Variants in KIAA1549L observed in about 807,000 individuals in gnomAD.
KIAA1549L encodes the protein UPF0606 protein KIAA1549L.
Under a neutral mutation model 160.7 loss-of-function variants are expected in KIAA1549L, and 88 were observed. That is an observed-to-expected ratio of 0.55 (90% CI 0.46 to 0.65). The LOEUF is 0.65. Among genes scored for constraint, KIAA1549L ranks in the 30% least tolerant of loss-of-function variants. The pLI is 0.00. For synonymous variants in KIAA1549L, 950 were observed against 976.7 expected (o/e 0.97, Z 0.51); for missense variants, 2,258 against 2,437.5 (o/e 0.93, Z 1.55).
chr11:33,484,807 A>G (rs1450222979), intron 1 of KIAA1549L, among the ~76,000 whole-genome samples: 1 of 151,592 alleles, frequency 6.6e-6, no homozygotes, highest in Admixed American at 6.6e-5. Context: ...ATTGTAGTTT[A>G]TTTTCTTCTC....
intron 10 of KIAA1549L, among the ~76,000 whole-genome samples, chr11:33,582,788 G>A (rs1855684706): frequency 6.6e-6 from 1 of 152,168 alleles, no homozygotes; most frequent in Admixed American, 6.5e-5. Flanking sequence ...AACAGCCTGA[G>A]TCTTTTGACT....
chr11:33,586,140 C>T (rs750299011), intron 11 of KIAA1549L, among the ~76,000 whole-genome samples: 1 of 152,196 alleles, frequency 6.6e-6, no homozygotes, highest in East Asian at 1.9e-4. Flanking sequence ...TGTCAAAGGA[C>T]GAGGCAGAAC....
chr11:33,456,692 G>A (rs776526219), intron 1 of KIAA1549L, among the ~76,000 whole-genome samples: 24 of 152,318 alleles, frequency 1.6e-4, no homozygotes, highest in East Asian at 3.9e-4. Flanking sequence ...GACTACAGGC[G>A]TGAGCCATTG....
intron 12 of KIAA1549L, among the ~76,000 whole-genome samples, chr11:33,597,413 A>G (rs1199368625): frequency 6.6e-6 from 1 of 152,152 alleles, no homozygotes; most frequent in African/African-American, 2.4e-5. Context: ...GAGGAGGCAG[A>G]GGAGCATCCG....
At chr11:33,521,845 T>A (rs2133127516) in intron 1 of KIAA1549L, among the ~76,000 whole-genome samples, 1 of 152,296 alleles carries the variant, frequency 6.6e-6, no homozygotes, top group South Asian at 2.1e-4. Flanking sequence ...TGAAGGAGAA[T>A]GGAAGGATAA....
intron 1 of KIAA1549L, among the ~76,000 whole-genome samples, chr11:33,413,128 C>G (rs1850816119): frequency 6.6e-6 from 1 of 152,130 alleles, no homozygotes; most frequent in African/African-American, 2.4e-5. Context: ...TAGGGAAATG[C>G]TGCATCAGAT....
intron 1 of KIAA1549L, among the ~76,000 whole-genome samples, chr11:33,384,376 A>G (rs1850131173): frequency 6.6e-6 from 1 of 152,188 alleles, no homozygotes; most frequent in African/African-American, 2.4e-5. Context: ...TCAGCAGTTG[A>G]TGGACATGTG....
At chr11:33,534,548 A>G (rs1235029230) in intron 1 of KIAA1549L, among the ~76,000 whole-genome samples, 2 of 147,360 alleles carry the variant, frequency 1.4e-5, no homozygotes, top group African/African-American at 2.6e-5. Flanking sequence ...AAAATTCTGT[A>G]ATTTGGCTAG....
chr11:33,477,456 T>C (rs570808849), intron 1 of KIAA1549L, among the ~76,000 whole-genome samples: 1 of 152,144 alleles, frequency 6.6e-6, no homozygotes, highest in Non-Finnish European at 1.5e-5. Flanking sequence ...GTAGGGTTTT[T>C]AGAAAGGCAC....
At position 33,547,899 on chromosome 11, in the gene KIAA1549L, ACCAAGCTAAT is replaced by A. The variant is rs1386997020; in HGVS notation, c.3501+24_3501+33del. ...GCTCACGTAAGTGCTTTGCTTTGTA[ACCAAGCTAAT>A]CCATCACAGTCTGGCTCTTGGGTCT... On this transcript the variant is annotated intron_variant, in intron 4 of 20. Transcript: ENST00000658780. 6.7e-7 allele frequency: 1 copy of A among 1,496,640 alleles called. No individual in the cohort carries two copies. Among genetic ancestry groups the A allele is most frequent in the Admixed American group, 1.7e-5 (1 of 59,032 alleles). 92.7% of individuals were successfully genotyped at this position (1,496,640 alleles called of 1,614,324 possible). A position where few individuals can be genotyped will look rare whatever the true frequency, so the allele number is the denominator to read the frequency against.
intron 1 of KIAA1549L, among the ~76,000 whole-genome samples, chr11:33,452,276 G>T (rs757626408): frequency 9.4e-5 from 14 of 149,588 alleles, no homozygotes; most frequent in Non-Finnish European, 1.9e-4. Context: ...AAATAGAAGG[G>T]TGTTCTTTAG....
chr11:33,545,106 C>T lies in KIAA1549L; in HGVS notation c.3113C>T (p.Thr1038Ile), dbSNP rs1854197087. 6.2e-7 allele frequency: 1 copy of T among 1,614,042 alleles called. No individual in the cohort carries two copies. Among genetic ancestry groups the T allele is most frequent in the Non-Finnish European group, 8.5e-7 (1 of 1,179,888 alleles). The stretch of plus-strand genomic sequence containing the variant: ...GACACTGCCTCTGGCCTGTTGTCTA[C>T]AACTTACCTCCCCAGGAAACCACAA... ...NMDTASGLLS[T>I]TYLPRKPQAM... Residue 1038 changes from threonine (T) to isoleucine (I), a missense_variant, in exon 3 of 21, where the codon ACA becomes ATA. Around this residue, in one of 6 missense-constraint regions of KIAA1549L, gnomAD observed 1,359 missense variants for 1,546.6 expected, o/e 0.88. Transcript: ENST00000658780.
intron 16 of KIAA1549L, among the ~76,000 whole-genome samples, chr11:33,645,401 T>G (rs1564938616): frequency 6.6e-6 from 1 of 152,216 alleles, no homozygotes; most frequent in East Asian, 1.9e-4. Context: ...ATGTCATCGG[T>G]GAAAGCCATT....
At chr11:33,430,042 CCTT>C (rs1339733134) in intron 1 of KIAA1549L, among the ~76,000 whole-genome samples, 58 of 131,302 alleles carry the variant, frequency 4.4e-4, no homozygotes, top group Non-Finnish European at 6.3e-4. Context: ...TTCCTTCCTT[CCTT>C]CCTCCCTTCC....
At chr11:33,606,012 A>G (rs144790900) in intron 13 of KIAA1549L, among the ~76,000 whole-genome samples, 24 of 152,320 alleles carry the variant, frequency 1.6e-4, no homozygotes, top group African/African-American at 5.8e-4. Flanking sequence ...CTACTTAATT[A>G]GGGGAGTTGT....
intron 1 of KIAA1549L, among the ~76,000 whole-genome samples, chr11:33,536,423 G>T (rs1210793113): frequency 6.6e-6 from 1 of 152,224 alleles, no homozygotes; most frequent in Non-Finnish European, 1.5e-5. Context: ...GCTTGGCTCA[G>T]CTGGGACTGT....
chr11:33,430,009 C>CCCGT (rs1851198042), intron 1 of KIAA1549L, among the ~76,000 whole-genome samples: 1 of 93,298 alleles, frequency 1.1e-5, no homozygotes, highest in African/African-American at 4.6e-5. Flanking sequence ...GCTCTGCCCT[C>CCCGT]CCTTCCTTCC....
chr11:33,381,098 C>T (rs758335285), intron 1 of KIAA1549L, among the ~76,000 whole-genome samples: 1 of 151,936 alleles, frequency 6.6e-6, no homozygotes, highest in Admixed American at 6.5e-5. Flanking sequence ...TTACCAGTCA[C>T]GTGAAGATCT....
At chr11:33,588,522 G>A (rs76331257) in intron 11 of KIAA1549L, among the ~76,000 whole-genome samples, 10 of 152,270 alleles carry the variant, frequency 6.6e-5, no homozygotes, top group Admixed American at 2.0e-4. Context: ...TGGAAGCAAC[G>A]AGACCGAGGC....
Sources: allele counts gnomAD v4.1 joint callset (sites outside exome capture counted in the v4.1 genomes callset), GRCh38; gene constraint gnomAD v4.1.1; regional missense constraint gnomAD v4.1.1; transcripts MANE v1.5; gene names NCBI Gene and HGNC (gene_info 2026-07-23, HGNC 2026-07-21).